The following TMTC2 variants were observed in gnomAD, a reference collection of about 807,000 sequenced individuals.
The protein encoded by TMTC2 is transmembrane O-mannosyltransferase targeting cadherins 2.
TMTC2 carries 43 observed loss-of-function variants against 82.4 expected under a neutral mutation model. The ratio of observed to expected loss-of-function variants is 0.52; its 90% CI spans 0.41 to 0.67. The LOEUF is 0.67. Among genes scored for constraint, TMTC2 ranks in the 30% least tolerant of loss-of-function variants. The probability of loss-of-function intolerance (pLI) is 0.00; values close to 1 mark genes in which losing one functional copy is unlikely to be tolerated. For synonymous variants in TMTC2, 408 were observed against 381.9 expected (o/e 1.07, Z -0.80); for missense variants, 919 against 1,012.4 (o/e 0.91, Z 1.25).
intron 11 of TMTC2, among the ~76,000 whole-genome samples, chr12:83,065,610 G>A (rs1252791340): frequency 6.6e-6 from 1 of 151,660 alleles, no homozygotes; most frequent in East Asian, 1.9e-4. Context: ...TACCGAAATT[G>A]CCATTTTAAG....
At chr12:82,854,065 T>G (rs1398612788) in intron 1 of TMTC2, among the ~76,000 whole-genome samples, 1 of 152,154 alleles carries the variant, frequency 6.6e-6, no homozygotes, top group Non-Finnish European at 1.5e-5. Flanking sequence ...GAATAACATC[T>G]GGTTCTAATA....
At chr12:82,822,406 A>G (rs1249799976) in intron 1 of TMTC2, among the ~76,000 whole-genome samples, 1 of 152,176 alleles carries the variant, frequency 6.6e-6, no homozygotes, top group East Asian at 1.9e-4. Flanking sequence ...GGCAGGGAGT[A>G]TATGGGAGCT....
chr12:82,737,314 C>CT (rs1245309608), intron 1 of TMTC2, among the ~76,000 whole-genome samples: 13 of 151,356 alleles, frequency 8.6e-5, no homozygotes, highest in African/African-American at 2.2e-4. Context: ...CAGTCTAACA[C>CT]TTTTTTTTTG....
chr12:82,735,359 T>TC (rs1399190628), intron 1 of TMTC2, among the ~76,000 whole-genome samples: 2 of 151,512 alleles, frequency 1.3e-5, no homozygotes, highest in Admixed American at 1.3e-4. Flanking sequence ...ATTTTTTTTT[T>TC]TTTTGAGACA....
intron 8 of TMTC2, among the ~76,000 whole-genome samples, chr12:83,002,361 A>G (rs1385957192): frequency 6.6e-6 from 1 of 151,964 alleles, no homozygotes; most frequent in Admixed American, 6.5e-5. Flanking sequence ...TTGTTAATCT[A>G]GCTATGATCT....
At chr12:82,924,425 G>T (rs192503958) in intron 3 of TMTC2, among the ~76,000 whole-genome samples, 9 of 152,250 alleles carry the variant, frequency 5.9e-5, no homozygotes, top group African/African-American at 2.2e-4. Context: ...AAAATTATGA[G>T]GTGGTCTTTA....
At chr12:83,046,133 C>T (rs539331141) in intron 9 of TMTC2, among the ~76,000 whole-genome samples, 52 of 152,180 alleles carry the variant, frequency 3.4e-4, no homozygotes, top group South Asian at 4.2e-4. Flanking sequence ...CCCCCTCTGT[C>T]GAATTCATTC....
At chr12:82,730,448 G>A (rs1331842417) in intron 1 of TMTC2, among the ~76,000 whole-genome samples, 2 of 152,114 alleles carry the variant, frequency 1.3e-5, no homozygotes, top group African/African-American at 4.8e-5. Flanking sequence ...TTCAAGCTTT[G>A]CTAGTTATCA....
intron 11 of TMTC2, among the ~76,000 whole-genome samples, chr12:83,116,720 C>G (rs1884774353): frequency 6.6e-6 from 1 of 152,060 alleles, no homozygotes. Context: ...GTTTGTTGGC[C>G]ATTTGTGTAT....
rs558219793 is a variant in TMTC2, at chr12:83,015,670, G to GT, written c.2071-15127dup. Among the ~76,000 whole-genome samples the GT allele has an allele frequency of 5.6e-4, 85 of 152,258 alleles. No individual in the cohort carries two copies. The South Asian group carries it at 6.0e-3, about 11-fold the overall frequency. On this transcript the variant is annotated intron_variant, in intron 8 of 11. Transcript: ENST00000321196. ...TCACCTCTGTACTCCATGTTTTCCTGTAAGTGGCCCACATTTTCTTGTGAA... is the reference window on the plus strand; with the variant it reads ...TCACCTCTGTACTCCATGTTTTCCTGTTAAGTGGCCCACATTTTCTTGTGAA...
At chr12:83,001,461 A>G (rs1376522350) in intron 8 of TMTC2, among the ~76,000 whole-genome samples, 2 of 103,788 alleles carry the variant, frequency 1.9e-5, no homozygotes, top group African/African-American at 3.0e-5. Context: ...GACATGGAGT[A>G]ACCCCGTCTC....
At chr12:83,086,376 G>A (rs1448407353) in intron 11 of TMTC2, among the ~76,000 whole-genome samples, 1 of 152,178 alleles carries the variant, frequency 6.6e-6, no homozygotes, top group African/African-American at 2.4e-5. Flanking sequence ...GATCCTTTTT[G>A]TAAAGCTCTT....
chr12:82,785,345 A>G (rs1878124930), intron 1 of TMTC2, among the ~76,000 whole-genome samples: 1 of 149,944 alleles, frequency 6.7e-6, no homozygotes, highest in Non-Finnish European at 1.5e-5. Flanking sequence ...TTAATCCAAA[A>G]TAAACAAACA....
intron 1 of TMTC2, among the ~76,000 whole-genome samples, chr12:82,727,819 A>T (rs1345199289): frequency 6.6e-6 from 1 of 151,352 alleles, no homozygotes; most frequent in Non-Finnish European, 1.5e-5. Flanking sequence ...AAGTATTACC[A>T]ATTGAAGGAT....
At position 82,985,986 on chromosome 12, in the gene TMTC2, G is replaced by A. The variant is rs771736965; in HGVS notation, c.2010G>A (p.Leu670=). The A allele has an allele frequency of 6.2e-7, 1 of 1,614,026 alleles. No homozygotes were observed. Among genetic ancestry groups the A allele is most frequent in the Non-Finnish European group, 8.5e-7 (1 of 1,179,932 alleles). ...CAGAGCATTGGTATATGGAATCACT[G>A]AGATCCAAGACTGACCACATCCCTG... ...PEAEHWYMES[L]RSKTDHIPAH... Residue 670 remains leucine, a synonymous_variant, in exon 8 of 12, where the codon CTG becomes CTA. Transcript: ENST00000321196.
At chr12:82,905,642 T>C (rs1874251031) in intron 3 of TMTC2, among the ~76,000 whole-genome samples, 2 of 152,234 alleles carry the variant, frequency 1.3e-5, no homozygotes, top group South Asian at 4.2e-4. Flanking sequence ...ATTACCTTTT[T>C]AGATATAGAA....
At chr12:83,093,024 T>C (rs1250279946) in intron 11 of TMTC2, among the ~76,000 whole-genome samples, 1 of 152,208 alleles carries the variant, frequency 6.6e-6, no homozygotes, top group African/African-American at 2.4e-5. Flanking sequence ...AGTTTTTCTC[T>C]GAAAGATCCC....
At chr12:82,721,294 T>G (rs2136926739) in intron 1 of TMTC2, among the ~76,000 whole-genome samples, 1 of 152,294 alleles carries the variant, frequency 6.6e-6, no homozygotes, top group Admixed American at 6.5e-5. Flanking sequence ...TGCTACCTGG[T>G]TAGGGACGAA....
At chr12:82,733,304 C>T (rs1170571986) in intron 1 of TMTC2, among the ~76,000 whole-genome samples, 2 of 152,166 alleles carry the variant, frequency 1.3e-5, no homozygotes, top group Non-Finnish European at 2.9e-5. Context: ...TATTTCAGTT[C>T]AGCAACATGC....
Sources: allele counts gnomAD v4.1 joint callset (sites outside exome capture counted in the v4.1 genomes callset), GRCh38; gene constraint gnomAD v4.1.1; transcripts MANE v1.5; gene names NCBI Gene and HGNC (gene_info 2026-07-23, HGNC 2026-07-21).